The following ZNF175 variants were observed in gnomAD, a reference collection of about 807,000 sequenced individuals.
The protein encoded by ZNF175 is zinc finger protein 175.
ZNF175 carries 8 observed loss-of-function variants against 14.0 expected under a neutral mutation model. The ratio of observed to expected loss-of-function variants is 0.57; its 90% CI spans 0.34 to 1.03. The LOEUF is 1.03. Ranked by LOEUF, ZNF175 falls within the 50% of genes least tolerant of loss-of-function variation. The pLI is 0.03. For synonymous variants in ZNF175, 255 were observed against 296.8 expected, an observed-to-expected ratio of 0.86 and a Z score of 1.45; for missense variants, 764 against 849.5, an observed-to-expected ratio of 0.90 and a Z score of 1.25.
At chr19:51,582,711 CTT>C (rs572729353) in intron 4 of ZNF175, among the ~76,000 whole-genome samples, 183 of 152,286 alleles carry the variant, frequency 1.2e-3, no homozygotes, top group Admixed American at 5.5e-3. Flanking sequence ...CCGCTTATCT[CTT>C]TACGTCCATG....
rs1981661154 is a variant in ZNF175, at chr19:51,573,408, A to G, written c.72+7A>G. The G allele has an allele frequency of 6.2e-7, 1 of 1,612,504 alleles. No homozygotes were observed. Among genetic ancestry groups the G allele is most frequent in the Admixed American group, 1.7e-5 (1 of 59,788 alleles). ...GCAGGATGGATCTTGCGAGGTAAAC[A>G]GGGGCAGCCCTGGGGATAGTTCTCC... On this transcript the variant is annotated splice_region_variant and intron_variant, in intron 2 of 4. Coordinates refer to ENST00000262259, the MANE Select transcript of ZNF175 (RefSeq NM_007147.4).
rs1196726267 is a variant in ZNF175, at chr19:51,581,900, G to A, written c.295+18G>A. 8 of 1,606,444 alleles carry A rather than the reference G, an allele frequency of 5.0e-6. No homozygotes were observed. Among genetic ancestry groups the A allele is most frequent in the Middle Eastern group, 1.7e-4 (1 of 6,040 alleles). The stretch of plus-strand genomic sequence containing the variant: ...GTGTCAAGGTGAGTAAGTTGTACCC[G>A]GGCAAATGTAGATATCTTTGCAGGG... On this transcript the variant is annotated intron_variant, in intron 4 of 4. Coordinates refer to ENST00000262259, the MANE Select transcript of ZNF175 (RefSeq NM_007147.4).
Position 51,589,524 on chromosome 19 carries a change from A to G in ZNF175, c.*1057A>G, listed in dbSNP as rs977993272. The G allele has an allele frequency of 4.3e-6, 3 of 701,578 alleles. No homozygotes were observed. The highest frequency in any genetic ancestry group is 7.8e-6 in the Non-Finnish European group (3 of 384,598). The allele number at this position is 701,578 out of a possible 1,614,324, so 43.5% of individuals were successfully genotyped here. A position where few individuals can be genotyped will look rare whatever the true frequency, so the allele number is the denominator to read the frequency against. ...TTCTATAATGTTTACTGATCTTTAT[A>G]TTACAGATTTTCTCTTCTTTTAGGA... On this transcript the variant is annotated 3_prime_UTR_variant, in exon 5 of 5. Transcript: ENST00000262259.
Position 51,581,511 on chromosome 19 carries a change from G to T in ZNF175, c.193G>T (p.Ala65Ser), listed in dbSNP as rs376635595. The change falls in exon 3 of 5, where the codon GCA (alanine) becomes TCA (serine). Residue 65 changes from alanine (A) to serine (S), a missense_variant. Ala to Ser is a moderately conservative substitution (Grantham distance 99). Coordinates refer to ENST00000262259, the MANE Select transcript of ZNF175 (RefSeq NM_007147.4). ...GCTGGAGCTCTATAGCCATCTCTTCGCAGTGGGTGAGCACAACTGACCTGG... is the reference window on the plus strand; with the variant it reads ...GCTGGAGCTCTATAGCCATCTCTTCTCAGTGGGTGAGCACAACTGACCTGG... ...VMLELYSHLF[A>S]VGYHIPNPEV... is the part of the protein sequence containing the mutation. 8.9e-5 allele frequency: 144 copies of T among 1,612,496 alleles called. No individual in the cohort carries two copies. Among genetic ancestry groups the T allele is most frequent in the Non-Finnish European group, 1.1e-4 (129 of 1,179,066 alleles).
intron 2 of ZNF175, among the ~76,000 whole-genome samples, chr19:51,574,571 C>T (rs1981709086): frequency 2.0e-5 from 3 of 152,052 alleles, no homozygotes; most frequent in Non-Finnish European, 2.9e-5. Flanking sequence ...AGTACGTTGA[C>T]GTGGGAGGAT....
At chr19:51,585,366 T>C (rs1194950351) in intron 4 of ZNF175, among the ~76,000 whole-genome samples, 3 of 152,168 alleles carry the variant, frequency 2.0e-5, no homozygotes, top group Non-Finnish European at 4.4e-5. Flanking sequence ...TTTTGCAAGA[T>C]GTAAAAGTTT....
Position 51,588,167 on chromosome 19 carries a change from G to A in ZNF175, c.1836G>A (p.Glu612=), listed in dbSNP as rs756579349. Residue 612 remains glutamate, a synonymous_variant, in exon 5 of 5, where the codon GAG becomes GAA. Transcript: ENST00000262259. The stretch of plus-strand genomic sequence containing the variant: ...AACATCAAATAACTCACACTAGAGA[G>A]AGGCCTTTTGTCTGTTACAAATGTG... ...FHKHQITHTR[E]RPFVCYKCGK... 1 of 1,613,808 alleles carries A rather than the reference G, an allele frequency of 6.2e-7. No individual in the cohort carries two copies. The highest frequency in any genetic ancestry group is 1.3e-5 in the African/African-American group (1 of 74,912).
chr19:51,575,278 G>A (rs1245456869), intron 2 of ZNF175, among the ~76,000 whole-genome samples: 8 of 144,646 alleles, frequency 5.5e-5, no homozygotes, highest in African/African-American at 1.5e-4. Context: ...GTGCAGTGGC[G>A]CAATCTCTGC....
Position 51,586,967 on chromosome 19 carries a change from C to T in ZNF175, c.636C>T (p.Asn212=), listed in dbSNP as rs143236411. 92 of 1,614,036 alleles carry T rather than the reference C, an allele frequency of 5.7e-5. No homozygotes were observed. The highest frequency in any genetic ancestry group is 5.6e-4 in the African/African-American group (42 of 74,922). The change falls in exon 5 of 5, where the codon AAC becomes AAT. Residue 212 remains asparagine (N), a synonymous_variant. Transcript: ENST00000262259. Reference sequence around the variant, plus strand: ...GTTTGAAGCTGAACCTAGAAGTGAACGGTCAGAATGAAAGCAATGACACAG... The same window carrying T: ...GTTTGAAGCTGAACCTAGAAGTGAATGGTCAGAATGAAAGCAATGACACAG... The part of the protein sequence containing the change: ...TESLKLNLEV[N]GQNESNDTEQ...
intron 2 of ZNF175, among the ~76,000 whole-genome samples, chr19:51,580,324 A>T (rs928127613): frequency 3.9e-5 from 6 of 152,110 alleles, no homozygotes; most frequent in African/African-American, 1.4e-4. Context: ...ATATCTGGTT[A>T]TCTCTCTCCT....
intron 3 of ZNF175, 130 bp from the exon 4 acceptor site, chr19:51,581,657 C>T (rs1483138752): frequency 1.3e-6 from 2 of 1,511,646 alleles, no homozygotes; most frequent in East Asian, 2.3e-5. Flanking sequence ...TTCTTTTGGG[C>T]ACCTTCTAGT....
intron 2 of ZNF175, among the ~76,000 whole-genome samples, chr19:51,578,689 G>C (rs7256277): frequency 0.017 from 2,592 of 152,230 alleles, 78 homozygotes; most frequent in African/African-American, 0.059. Context: ...AATCACTTGA[G>C]CCCGGAGGTC....
At position 51,581,892 on chromosome 19, in the gene ZNF175, T is replaced by C. The variant is rs2122569891; in HGVS notation, c.295+10T>C. The stretch of plus-strand genomic sequence containing the variant: ...CATCAGAGGTGTCAAGGTGAGTAAG[T>C]TGTACCCGGGCAAATGTAGATATCT... On this transcript the variant is annotated intron_variant, in intron 4 of 4. Transcript: ENST00000262259. The C allele has an allele frequency of 6.2e-7, 1 of 1,611,494 alleles. No individual in the cohort carries two copies. Among genetic ancestry groups the C allele is most frequent in the Non-Finnish European group, 8.5e-7 (1 of 1,178,182 alleles).
rs1982171923 is a variant in ZNF175 at position 51,586,666 on chromosome 19, C to T, written c.335C>T (p.Ser112Phe). 1 of 1,601,750 alleles carries T rather than the reference C, an allele frequency of 6.2e-7. No homozygotes were observed. Among genetic ancestry groups the T allele is most frequent in the African/African-American group, 1.3e-5 (1 of 74,126 alleles). The change falls in exon 5 of 5, where the codon TCT becomes TTT. Residue 112 changes from serine to phenylalanine, a missense_variant. Physicochemically the swap from Ser to Phe is radical, Grantham distance 155. Transcript: ENST00000262259. ...CTTGAAATCCCACAAAAGGAGATTT[C>T]TAAGAAAGCTTCATTTCAAAAGGAT... ...FGLEIPQKEI[S>F]KKASFQKDMV...
intron 1 of ZNF175, among the ~76,000 whole-genome samples, chr19:51,572,492 G>A (rs1171600325): frequency 6.6e-6 from 1 of 152,090 alleles, no homozygotes; most frequent in East Asian, 1.9e-4. Flanking sequence ...TTATGGACGG[G>A]GACTGAAAAG....
In ZNF175 at chr19:51,586,893, C is replaced by T. The variant is rs781696674; in HGVS notation, c.562C>T (p.Leu188Phe). 6.2e-7 allele frequency: 1 copy of T among 1,614,164 alleles called. No homozygotes were observed. The highest frequency in any genetic ancestry group is 1.7e-5 in the Admixed American group (1 of 60,026). The change falls in exon 5 of 5, where the codon CTT (leucine) becomes TTT (phenylalanine). Residue 188 changes from leucine (L) to phenylalanine (F), a missense_variant. Physicochemically the swap from Leu to Phe is conservative, Grantham distance 22. Coordinates refer to ENST00000262259, the MANE Select transcript of ZNF175 (RefSeq NM_007147.4). ...PGKMIRTRPHLASSQKQPQKC... is the reference protein window; with the variant it reads ...PGKMIRTRPHFASSQKQPQKC... ...GAAAATGATTCGCACGAGGCCCCAC[C>T]TTGCTTCTTCACAGAAACAACCTCA...
chr19:51,575,195 G>A (rs1405456969), intron 2 of ZNF175, among the ~76,000 whole-genome samples: 1 of 147,220 alleles, frequency 6.8e-6, no homozygotes, highest in Non-Finnish European at 1.5e-5. Context: ...TTTAGCCTCC[G>A]GATTTTTAGA....
chr19:51,581,449 T>C lies in ZNF175; in HGVS notation c.131T>C (p.Leu44Pro). Residue 44 changes from leucine (L) to proline (P), a missense_variant, in exon 3 of 5, where the codon CTG (leucine) becomes CCG (proline). Transcript: ENST00000262259. ...VDFSREEWQQ[L>P]DPAQRCLYRD... is the part of the protein sequence containing the mutation. Reference sequence around the variant, plus strand: ...TTCAGCAGGGAGGAGTGGCAGCAACTGGACCCTGCCCAGAGATGCCTGTAC... The same window carrying C: ...TTCAGCAGGGAGGAGTGGCAGCAACCGGACCCTGCCCAGAGATGCCTGTAC... 1 of 1,614,152 alleles carries C rather than the reference T, an allele frequency of 6.2e-7. No individual in the cohort carries two copies. The highest frequency in any genetic ancestry group is 8.5e-7 in the Non-Finnish European group (1 of 1,180,028).
At position 51,581,866 on chromosome 19, in the gene ZNF175, A is replaced by G; in HGVS notation, c.279A>G (p.Ser93=). The change falls in exon 4 of 5, where the codon TCA becomes TCG. Residue 93 remains serine, a synonymous_variant. Coordinates refer to ENST00000262259, the MANE Select transcript of ZNF175 (RefSeq NM_007147.4). The part of the protein sequence containing the change: ...KEPRVEEAEV[S]HQRCQEREFG... Reference sequence around the variant, plus strand: ...CGCGTGTGGAGGAGGCTGAAGTCTCACATCAGAGGTGTCAAGGTGAGTAAG... The same window carrying G: ...CGCGTGTGGAGGAGGCTGAAGTCTCGCATCAGAGGTGTCAAGGTGAGTAAG... The G allele has an allele frequency of 6.2e-7, 1 of 1,613,304 alleles. No homozygotes were observed. Among genetic ancestry groups the G allele is most frequent in the Non-Finnish European group, 8.5e-7 (1 of 1,179,382 alleles).
Sources: gnomAD v4.1 joint callset for allele counts (sites outside exome capture counted in the v4.1 genomes callset) on GRCh38, gnomAD v4.1.1 for gene constraint, MANE v1.5 for transcripts, NCBI Gene and HGNC (gene_info 2026-07-23, HGNC 2026-07-21) for gene names.